SIMC1: variants seen among roughly 807,000 people sequenced by gnomAD.
SIMC1 encodes the protein SUMO-interacting motif-containing protein 1.
Under a neutral mutation model 82.3 loss-of-function variants are expected in SIMC1, and 55 were observed. That is an observed-to-expected ratio of 0.67 (90% confidence interval 0.54 to 0.84). SIMC1 has a LOEUF of 0.84. Ranked by LOEUF, SIMC1 falls within the 40% of genes least tolerant of loss-of-function variation. The probability of loss-of-function intolerance (pLI) is 0.00; values close to 1 mark genes in which losing one functional copy is unlikely to be tolerated. For missense variants in SIMC1, 915 were observed against 1,107.2 expected (o/e 0.83, Z 2.46); for synonymous variants, 353 against 426.3 (o/e 0.83, Z 2.12).
At chr5:176,311,087 C>CTGTAA (rs1214225557) in intron 4 of SIMC1, among the ~76,000 whole-genome samples, 2 of 152,062 alleles carry the variant, frequency 1.3e-5, no homozygotes, top group African/African-American at 4.8e-5. Context: ...GGAAAGGGAA[C>CTGTAA]TGTAAGTGCC....
chr5:176,342,173 T>A lies in SIMC1; in HGVS notation c.2414-3010T>A, dbSNP rs540175258. ...AAAATCATTTTTGTATTTTTCAGAG[T>A]GGCACATGCCTTAAGAAAATCAAAG... is the stretch of plus-strand genomic sequence containing the variant. On this transcript the variant is annotated intron_variant, in intron 9 of 9. Coordinates refer to ENST00000429602, the MANE Select transcript of SIMC1 (RefSeq NM_001308195.2). Among the ~76,000 whole-genome samples, 4 of 152,354 alleles carry A rather than the reference T, an allele frequency of 2.6e-5. No homozygotes were observed. The South Asian group carries it at 8.3e-4, about 32-fold the overall frequency.
intron 7 of SIMC1, among the ~76,000 whole-genome samples, chr5:176,335,553 C>T (rs1765855805): frequency 1.3e-5 from 2 of 150,612 alleles, no homozygotes; most frequent in South Asian, 2.2e-4. Context: ...GCTAGGATTA[C>T]AGGCATGAGC....
At chr5:176,257,154 GTTTTAT>G (rs1223394005) in intron 1 of SIMC1, among the ~76,000 whole-genome samples, 4 of 151,946 alleles carry the variant, frequency 2.6e-5, no homozygotes, top group Admixed American at 2.6e-4. Flanking sequence ...TAACTTTCCT[GTTTTAT>G]TTTTATAGTT....
intron 6 of SIMC1, among the ~76,000 whole-genome samples, chr5:176,323,116 C>A (rs1357669013): frequency 1.3e-5 from 2 of 152,100 alleles, no homozygotes; most frequent in Admixed American, 6.5e-5. Context: ...TCTGGTTGCA[C>A]CAACCTGATT....
intron 1 of SIMC1, among the ~76,000 whole-genome samples, chr5:176,284,073 A>G (rs1284787853): frequency 6.6e-6 from 1 of 152,156 alleles, no homozygotes; most frequent in Non-Finnish European, 1.5e-5. Context: ...CACAATAATA[A>G]TGGGAGACTT....
chr5:176,294,982 A>AG (rs764220921), intron 2 of SIMC1, 48 bp from the exon 3 acceptor site: 108 of 1,539,120 alleles, frequency 7.0e-5, no homozygotes, highest in Middle Eastern at 1.7e-4. Flanking sequence ...AAAAAAAAAA[A>AG]AAAAGAAAAG....
intron 1 of SIMC1, among the ~76,000 whole-genome samples, chr5:176,276,654 G>C (rs1333679932): frequency 1.5e-5 from 2 of 136,722 alleles, no homozygotes; most frequent in African/African-American, 5.5e-5. Context: ...GTGTCCATGT[G>C]ATCTCATTGT....
chr5:176,304,938 C>T (rs1764232236), intron 4 of SIMC1, among the ~76,000 whole-genome samples: 2 of 111,290 alleles, frequency 1.8e-5, no homozygotes, highest in South Asian at 3.3e-4. Flanking sequence ...AGTGAGGAGA[C>T]CCTCTGCCTG....
At chr5:176,286,242 C>T (rs1763275895) in intron 1 of SIMC1, among the ~76,000 whole-genome samples, 1 of 152,266 alleles carries the variant, frequency 6.6e-6, no homozygotes, top group South Asian at 2.1e-4. Context: ...AGCTATACTA[C>T]AAGGCTACAG....
intron 4 of SIMC1, among the ~76,000 whole-genome samples, chr5:176,306,919 A>C (rs1185520670): frequency 1.0e-5 from 1 of 97,458 alleles, no homozygotes; most frequent in East Asian, 2.7e-4. Flanking sequence ...AAAAAAATAA[A>C]TTAAAAAAAA....
intron 4 of SIMC1, among the ~76,000 whole-genome samples, chr5:176,305,064 GC>G (rs1764245120): frequency 6.7e-6 from 1 of 148,194 alleles, no homozygotes; most frequent in Non-Finnish European, 1.5e-5. Context: ...GAGCGTCTCC[GC>G]CCGGCAGCCA....
chr5:176,283,728 G>C (rs1385155645), intron 1 of SIMC1, among the ~76,000 whole-genome samples: 2 of 152,106 alleles, frequency 1.3e-5, no homozygotes, highest in African/African-American at 2.4e-5. Flanking sequence ...ACACAGACTG[G>C]CAAATTGAAT....
chr5:176,309,502 G>A (rs948174347), intron 4 of SIMC1, among the ~76,000 whole-genome samples: 3 of 152,200 alleles, frequency 2.0e-5, no homozygotes, highest in Admixed American at 6.5e-5. Flanking sequence ...AAGCATATCC[G>A]TAAAAGATAA....
intron 4 of SIMC1, among the ~76,000 whole-genome samples, chr5:176,310,255 G>A (rs919457863): frequency 3.3e-5 from 5 of 152,200 alleles, no homozygotes; most frequent in African/African-American, 1.2e-4. Flanking sequence ...TTCTTATCGA[G>A]TTAAGCATAA....
At chr5:176,246,247 T>A (rs1420807372) in intron 1 of SIMC1, among the ~76,000 whole-genome samples, 1 of 152,094 alleles carries the variant, frequency 6.6e-6, no homozygotes, top group African/African-American at 2.4e-5. Flanking sequence ...GCTGACCTTG[T>A]GATCCACCCA....
chr5:176,247,207 T>G (rs1160756629), intron 1 of SIMC1, among the ~76,000 whole-genome samples: 2 of 152,190 alleles, frequency 1.3e-5, no homozygotes, highest in African/African-American at 4.8e-5. Flanking sequence ...ATGGTTGAAC[T>G]AATTTACACT....
chr5:176,298,228 A>G (rs1189976437), intron 4 of SIMC1, among the ~76,000 whole-genome samples: 1 of 152,224 alleles, frequency 6.6e-6, no homozygotes, highest in African/African-American at 2.4e-5. Context: ...GCATGGTTCA[A>G]CCAGGAAAAA....
chr5:176,334,234 C>T (rs1765791579), intron 7 of SIMC1, among the ~76,000 whole-genome samples: 1 of 152,148 alleles, frequency 6.6e-6, no homozygotes, highest in African/African-American at 2.4e-5. Flanking sequence ...ATTGTGGGCA[C>T]TACATTGTTG....
intron 7 of SIMC1, among the ~76,000 whole-genome samples, chr5:176,331,866 G>A (rs1223110915): frequency 6.6e-6 from 1 of 151,928 alleles, no homozygotes; most frequent in East Asian, 2.0e-4. Context: ...CTACTCAGGA[G>A]GCTGAGGCAG....
Sources: gnomAD v4.1 joint callset for allele counts (sites outside exome capture counted in the v4.1 genomes callset) on GRCh38, gnomAD v4.1.1 for gene constraint, MANE v1.5 for transcripts, NCBI Gene and HGNC (gene_info 2026-07-23, HGNC 2026-07-21) for gene names.